MGA: variants seen among roughly 807,000 people sequenced by gnomAD.
The protein encoded by MGA is MAX gene-associated protein.
In MGA, 40 loss-of-function variants were observed where a neutral mutation model predicts 261.1. The ratio of observed to expected loss-of-function variants is 0.15; its 90% CI spans 0.12 to 0.20. The LOEUF (loss-of-function observed/expected upper bound fraction) is 0.20. Ranked by LOEUF, MGA falls within the 10% of genes least tolerant of loss-of-function variation. MGA has a pLI of 1.00. For missense variants in MGA, 3,397 were observed against 3,630.5 expected, an observed-to-expected ratio of 0.94 and a Z score of 1.65; for synonymous variants, 1,302 against 1,290.6, an observed-to-expected ratio of 1.01 and a Z score of -0.19.
intron 13 of MGA, among the ~76,000 whole-genome samples, chr15:41,737,790 G>A (rs1055690681): frequency 4.6e-5 from 7 of 151,850 alleles, no homozygotes; most frequent in African/African-American, 1.7e-4. Flanking sequence ...GACTAGCCTG[G>A]CCGACATGGC....
intron 11 of MGA, among the ~76,000 whole-genome samples, chr15:41,731,202 C>A (rs1036317311): frequency 1.3e-5 from 2 of 152,072 alleles, no homozygotes; most frequent in African/African-American, 4.8e-5. Context: ...TATTTAAAAT[C>A]ATTAACATTA....
intron 13 of MGA, chr15:41,739,953 G>T: frequency 1.2e-6 from 2 of 1,612,748 alleles, no homozygotes; most frequent in South Asian, 1.1e-5. Flanking sequence ...TGGGACAGAT[G>T]GGGGCATTGC....
chr15:41,629,383 G>A (rs34802546), intron 1 of MGA, among the ~76,000 whole-genome samples: 39,215 of 151,958 alleles, frequency 0.26, 5,475 homozygotes, highest in Middle Eastern at 0.43. Context: ...TAGATGTTTG[G>A]AGCTTGAGAT....
Position 41,754,609 on chromosome 15 carries a change from G to A in MGA, c.7139+42G>A, listed in dbSNP as rs371085721. 15 of 1,498,438 alleles carry A rather than the reference G, an allele frequency of 1.0e-5. No homozygotes were observed. In the African/African-American group the frequency reaches 2.0e-4, roughly 20 times the overall value. 92.8% of individuals were successfully genotyped at this position (1,498,438 alleles called of 1,614,324 possible). On this transcript the variant is annotated intron_variant, in intron 18 of 23. Coordinates refer to ENST00000219905, the MANE Select transcript of MGA (RefSeq NM_001164273.2). ...TTTGGATTGTTGTTTTTGTAGTTTT[G>A]TAACCAGAAACAAAATGAGATGTTC... is the stretch of plus-strand genomic sequence containing the variant.
chr15:41,714,353 T>A (rs1003327016), intron 9 of MGA, among the ~76,000 whole-genome samples: 5 of 152,240 alleles, frequency 3.3e-5, no homozygotes, highest in Admixed American at 2.0e-4. Flanking sequence ...GTTAGCCTTT[T>A]TGGGTTTTCT....
At chr15:41,650,626 T>G (rs1002421460) in intron 1 of MGA, among the ~76,000 whole-genome samples, 2 of 151,864 alleles carry the variant, frequency 1.3e-5, no homozygotes, top group East Asian at 3.9e-4. Flanking sequence ...TTAGTAGAGA[T>G]AGGGTTTCAC....
chr15:41,720,380 TA>T (rs928273445), intron 9 of MGA, among the ~76,000 whole-genome samples: 5 of 151,842 alleles, frequency 3.3e-5, no homozygotes, highest in African/African-American at 7.3e-5. Flanking sequence ...CTACTAAAAA[TA>T]AAAAAAATTT....
chr15:41,645,362 G>A (rs911397725), intron 1 of MGA, among the ~76,000 whole-genome samples: 6 of 152,232 alleles, frequency 3.9e-5, no homozygotes, highest in Admixed American at 2.0e-4. Flanking sequence ...GGCTGAGACC[G>A]GCAGATCACT....
At chr15:41,725,469 C>T (rs1042844005) in intron 9 of MGA, among the ~76,000 whole-genome samples, 2 of 152,002 alleles carry the variant, frequency 1.3e-5, no homozygotes, top group South Asian at 2.1e-4. Flanking sequence ...ATCACTTTAG[C>T]CAGGAGGCTA....
chr15:41,669,446 T>C lies in MGA; in HGVS notation c.552T>C (p.Asn184=). Residue 184 remains asparagine (N), a synonymous_variant, in exon 2 of 24, where the codon AAT becomes AAC. Transcript: ENST00000219905. Reference sequence around the variant, plus strand: ...TCTATAAACTCAAACTTACCAACAATACACTGGACCAAGAAGGGCATATCA... The same window carrying C: ...TCTATAAACTCAAACTTACCAACAACACACTGGACCAAGAAGGGCATATCA... The C allele has an allele frequency of 6.2e-7, 1 of 1,613,854 alleles. No individual in the cohort carries two copies. Among genetic ancestry groups the C allele is most frequent in the Non-Finnish European group, 8.5e-7 (1 of 1,179,846 alleles).
chr15:41,730,515 A>G (rs1412967524), intron 11 of MGA, among the ~76,000 whole-genome samples: 2 of 152,150 alleles, frequency 1.3e-5, no homozygotes, highest in African/African-American at 2.4e-5. Context: ...GTTTTCAAAT[A>G]TGCACCCTGT....
chr15:41,734,501 C>T (rs1342004633), intron 11 of MGA, 21 bp from the exon 12 acceptor site: 1 of 1,580,920 alleles, frequency 6.3e-7, no homozygotes, highest in Non-Finnish European at 8.6e-7. Flanking sequence ...TAAAGTATTT[C>T]TGTGTTACTG....
At position 41,669,323 on chromosome 15, in the gene MGA, A is replaced by C; in HGVS notation, c.429A>C (p.Glu143Asp). ...ATAAGTGGAATGGTCGTTGGTGGGA[A>C]CCTAGTGGGAAGGCTGAACCTCATG... is the stretch of plus-strand genomic sequence containing the variant. The change falls in exon 2 of 24, where the codon GAA (glutamate) becomes GAC (aspartate). Residue 143 changes from glutamate (E) to aspartate (D), a missense_variant. By Grantham distance (45) the Glu-to-Asp change is conservative (BLOSUM62 2). Around this residue, in one of 9 missense-constraint regions of MGA, gnomAD observed 104 missense variants for 212.9 expected, o/e 0.49. Transcript: ENST00000219905. The C allele has an allele frequency of 1.2e-6, 2 of 1,613,944 alleles. No homozygotes were observed. Among genetic ancestry groups the C allele is most frequent in the Non-Finnish European group, 1.7e-6 (2 of 1,179,892 alleles).
In MGA at chr15:41,729,061, T is replaced by C. The variant is rs936405383; in HGVS notation, c.3658-103T>C. ...GATTTGAAAGTTTGCATTAAAAAAT[T>C]TCGACTGTTGTAATACAAAAAAAGA... On this transcript the variant is annotated intron_variant, in intron 10 of 23. Transcript: ENST00000219905. 1.2e-5 allele frequency: 14 copies of C among 1,197,032 alleles called. No homozygotes were observed. The African/African-American group carries it at 2.0e-4, about 17-fold the overall frequency. 74.2% of individuals were successfully genotyped at this position (1,197,032 alleles called of 1,614,324 possible).
At chr15:41,675,789 A>T (rs1055817940) in intron 2 of MGA, among the ~76,000 whole-genome samples, 1 of 151,996 alleles carries the variant, frequency 6.6e-6, no homozygotes, top group Non-Finnish European at 1.5e-5. Flanking sequence ...TAAAAAAATT[A>T]TAGCTGTAGA....
chr15:41,765,990 T>C lies in MGA; in HGVS notation c.7922-14T>C. On this transcript the variant is annotated splice_polypyrimidine_tract_variant and intron_variant, in intron 23 of 23. Transcript: ENST00000219905. The stretch of plus-strand genomic sequence containing the variant: ...TCTAAATGAATTTTTCTTTTTTTAA[T>C]TTTTGTTTTTCAGAAAATGACGACT... 6.3e-7 allele frequency: 1 copy of C among 1,596,056 alleles called. No individual in the cohort carries two copies. Among genetic ancestry groups the C allele is most frequent in the East Asian group, 2.2e-5 (1 of 44,670 alleles).
chr15:41,658,475 G>A (rs1340565517), upstream of MGA, among the ~76,000 whole-genome samples: 3 of 151,952 alleles, frequency 2.0e-5, no homozygotes, highest in Admixed American at 6.6e-5. Flanking sequence ...AAAAACAAGC[G>A]GTTACTTGGT....
At chr15:41,721,846 A>G (rs1032105097) in intron 9 of MGA, among the ~76,000 whole-genome samples, 3 of 152,134 alleles carry the variant, frequency 2.0e-5, no homozygotes, top group African/African-American at 7.2e-5. Flanking sequence ...TAGCAGTTTG[A>G]CTCCAGAGTA....
chr15:41,698,527 CCTT>C (rs1301777786), intron 3 of MGA, among the ~76,000 whole-genome samples: 1 of 152,172 alleles, frequency 6.6e-6, no homozygotes, highest in African/African-American at 2.4e-5. Flanking sequence ...TCTTTTCCTC[CCTT>C]CTTGTTAGCT....
Sources: gnomAD v4.1 joint callset for allele counts (sites outside exome capture counted in the v4.1 genomes callset) on GRCh38, gnomAD v4.1.1 for gene constraint, gnomAD v4.1.1 regional missense constraint, MANE v1.5 for transcripts, NCBI Gene and HGNC (gene_info 2026-07-23, HGNC 2026-07-21) for gene names.